CUL1: variants seen among roughly 807,000 people sequenced by gnomAD.
The protein encoded by CUL1 is cullin 1, also known as cullin-1.
CUL1 carries 24 observed loss-of-function variants against 118.0 expected under a neutral mutation model. The ratio of observed to expected loss-of-function variants is 0.20; its 90% CI spans 0.15 to 0.29. CUL1 has a LOEUF of 0.29. Ranked by LOEUF, CUL1 falls within the 10% of genes least tolerant of loss-of-function variation. The pLI, the probability that CUL1 is intolerant of heterozygous loss-of-function variation, is 1.00. For missense variants in CUL1, 361 were observed against 933.8 expected, an observed-to-expected ratio of 0.39 and a Z score of 7.99; for synonymous variants, 332 against 340.4, an observed-to-expected ratio of 0.98 and a Z score of 0.27.
chr7:148,794,215 A>G (rs1290483215), intron 17 of CUL1, among the ~76,000 whole-genome samples: 1 of 151,140 alleles, frequency 6.6e-6, no homozygotes, highest in East Asian at 1.9e-4. Context: ...ACTTTCTTAT[A>G]TACACACATT....
rs764293197 is a variant in CUL1, at chr7:148,734,956, C to T, written c.140+4694C>T. 5.3e-5 allele frequency among the ~76,000 whole-genome samples: 8 copies of T among 151,966 alleles called. No homozygotes were observed. In the South Asian group the frequency reaches 6.2e-4, roughly 12 times the overall value. On this transcript the variant is annotated intron_variant, in intron 2 of 21. Coordinates refer to ENST00000325222, the MANE Select transcript of CUL1 (RefSeq NM_003592.3). ...CTGAATAAATGTTCATGAACTTTGA[C>T]GTTTCTATTTGTCTTCCTGTACATT...
At chr7:148,784,109 C>T (rs967579329) in intron 11 of CUL1, 32 bp downstream of exon 11, 13 of 1,521,374 alleles carry the variant, frequency 8.5e-6, no homozygotes, top group Non-Finnish European at 1.2e-5. Context: ...TCTTAGTATG[C>T]CTGTTTAAAA....
intron 2 of CUL1, among the ~76,000 whole-genome samples, chr7:148,742,083 C>T (rs1012337762): frequency 1.3e-5 from 2 of 152,118 alleles, no homozygotes; most frequent in Admixed American, 6.5e-5. Flanking sequence ...TCTTTTGAGT[C>T]TCTTGAAATT....
chr7:148,753,022 T>G (rs997424874), intron 2 of CUL1, among the ~76,000 whole-genome samples: 1 of 152,350 alleles, frequency 6.6e-6, no homozygotes, highest in Non-Finnish European at 1.5e-5. Context: ...AGCGTTCACA[T>G]ATATATTCTT....
chr7:148,714,234 C>T (rs941925175), intron 1 of CUL1, among the ~76,000 whole-genome samples: 12 of 152,158 alleles, frequency 7.9e-5, no homozygotes, highest in South Asian at 4.1e-4. Flanking sequence ...GATATATGTA[C>T]GCTGCACATC....
At chr7:148,780,252 G>A (rs938592735) in intron 9 of CUL1, among the ~76,000 whole-genome samples, 2 of 152,178 alleles carry the variant, frequency 1.3e-5, no homozygotes, top group Non-Finnish European at 2.9e-5. Flanking sequence ...CTGGTCGTGC[G>A]GGGAATGGAG....
At chr7:148,713,788 A>G (rs1233452283) in intron 1 of CUL1, among the ~76,000 whole-genome samples, 2 of 152,176 alleles carry the variant, frequency 1.3e-5, no homozygotes, top group African/African-American at 2.4e-5. Context: ...CAGTGGTGCA[A>G]TCTCGGCTCA....
intron 2 of CUL1, among the ~76,000 whole-genome samples, chr7:148,749,262 C>A (rs243490): frequency 0.25 from 37,065 of 151,266 alleles, 5,408 homozygotes; most frequent in South Asian, 0.35. Context: ...ACTAAAAATA[C>A]GAAAATTAGC....
intron 2 of CUL1, among the ~76,000 whole-genome samples, chr7:148,746,746 G>A (rs192902797): frequency 2.0e-5 from 3 of 152,296 alleles, no homozygotes; most frequent in African/African-American, 7.2e-5. Context: ...GTAAGTAAAA[G>A]TAAAAATTCC....
chr7:148,746,287 T>C (rs918636992), intron 2 of CUL1, among the ~76,000 whole-genome samples: 1 of 152,210 alleles, frequency 6.6e-6, no homozygotes, highest in Non-Finnish European at 1.5e-5. Flanking sequence ...TCGAGTGCAT[T>C]GCAAAGTCAG....
intron 9 of CUL1, among the ~76,000 whole-genome samples, chr7:148,769,588 T>C (rs1242230261): frequency 6.6e-6 from 1 of 152,214 alleles, no homozygotes; most frequent in Non-Finnish European, 1.5e-5. Context: ...TGACTTGACT[T>C]TCCTTGAAAT....
At chr7:148,738,052 G>T (rs1799017293) in intron 2 of CUL1, among the ~76,000 whole-genome samples, 1 of 152,184 alleles carries the variant, frequency 6.6e-6, no homozygotes, top group African/African-American at 2.4e-5. Context: ...TTGCTTCTTT[G>T]ATTGAATTGG....
chr7:148,767,328 A>AT (rs199922647), intron 8 of CUL1, among the ~76,000 whole-genome samples: 19,186 of 146,738 alleles, frequency 0.13, 1,609 homozygotes, highest in East Asian at 0.36. Flanking sequence ...GTTTCTGATA[A>AT]TTTTTTTTTT....
At chr7:148,718,257 T>C (rs1456731931) in intron 1 of CUL1, among the ~76,000 whole-genome samples, 3 of 152,230 alleles carry the variant, frequency 2.0e-5, no homozygotes, top group African/African-American at 7.2e-5. Flanking sequence ...AAGTCACTCA[T>C]TTAAAATGTA....
In CUL1 at chr7:148,799,824, G is replaced by A. The variant is rs150109628; in HGVS notation, c.2250+436G>A. Reference sequence around the variant, plus strand: ...CCTCAGCAGTATCTTCGGGAGGTTCGTCGCATTGCGGTATCGAGAAGCACT... The same window carrying A: ...CCTCAGCAGTATCTTCGGGAGGTTCATCGCATTGCGGTATCGAGAAGCACT... On this transcript the variant is annotated intron_variant, in intron 21 of 21. Transcript: ENST00000325222. Among the ~76,000 whole-genome samples, 1,223 of 152,328 alleles carry A rather than the reference G, an allele frequency of 8.0e-3. 10 individuals carry two copies. The highest frequency in any genetic ancestry group is 0.028 in the African/African-American group (1,146 of 41,560).
At chr7:148,786,303 A>G (rs577463659) in intron 11 of CUL1, among the ~76,000 whole-genome samples, 1 of 152,338 alleles carries the variant, frequency 6.6e-6, no homozygotes, top group South Asian at 2.1e-4. Context: ...GAAATGTTTT[A>G]TAAATATCTC....
At chr7:148,702,770 A>G (rs1201563657) in intron 1 of CUL1, among the ~76,000 whole-genome samples, 2 of 152,178 alleles carry the variant, frequency 1.3e-5, no homozygotes, top group Non-Finnish European at 2.9e-5. Flanking sequence ...CTGGGTTCCC[A>G]TGTTGTCCTG....
In CUL1 at chr7:148,731,393, A is replaced by G. The variant is rs114776375; in HGVS notation, c.140+1131A>G. Among the ~76,000 whole-genome samples, 1,243 of 152,318 alleles carry G rather than the reference A, an allele frequency of 8.2e-3. 19 individuals carry two copies. Among genetic ancestry groups the G allele is most frequent in the African/African-American group, 0.029 (1,200 of 41,552 alleles). ...TTCCAGTATGTTCTTGCATGTTAAT[A>G]TTTTAGAATCCTAAAAAAAATTTAA... is the stretch of plus-strand genomic sequence containing the variant. On this transcript the variant is annotated intron_variant, in intron 2 of 21. Transcript: ENST00000325222.
At chr7:148,788,437 C>T in intron 13 of CUL1, 120 bp from the exon 14 acceptor site, 1 of 657,800 alleles carries the variant, frequency 1.5e-6, no homozygotes, top group Non-Finnish European at 2.7e-6. Context: ...ATGTTACTAG[C>T]TTTGCTAGTA....
Sources: allele counts gnomAD v4.1 joint callset (sites outside exome capture counted in the v4.1 genomes callset), GRCh38; gene constraint gnomAD v4.1.1; transcripts MANE v1.5; gene names NCBI Gene and HGNC (gene_info 2026-07-23, HGNC 2026-07-21).